The following ARHGAP24 variants were observed in gnomAD, a reference collection of about 807,000 sequenced individuals.
ARHGAP24 encodes Rho GTPase activating protein 24.
In ARHGAP24, 50 loss-of-function variants were observed where a neutral mutation model predicts 76.4. The observed-to-expected ratio is 0.65, with a 90% confidence interval of 0.52 to 0.83. The LOEUF (loss-of-function observed/expected upper bound fraction) is 0.83. ARHGAP24 is among the 40% of genes least tolerant of loss of function. ARHGAP24 has a pLI of 0.00. For synonymous variants in ARHGAP24, 345 were observed against 323.3 expected, an observed-to-expected ratio of 1.07 and a Z score of -0.72; for missense variants, 930 against 914.2, an observed-to-expected ratio of 1.02 and a Z score of -0.22.
In ARHGAP24 at chr4:85,923,763, C is replaced by A; in HGVS notation, c.384C>A (p.Phe128Leu). ...TCCGCCGAGTCATATGGGGACCTTT[C>A]GGAGGAGGTGAGTGTACTTTAAAAT... ...KSIRRVIWGP[F>L]GGGIFGQKLE... Residue 128 changes from phenylalanine to leucine, a missense_variant, in exon 4 of 10, where the codon TTC becomes TTA. Transcript: ENST00000395184. 1 of 1,613,918 alleles carries A rather than the reference C, an allele frequency of 6.2e-7. No individual in the cohort carries two copies. Among genetic ancestry groups the A allele is most frequent in the South Asian group, 1.1e-5 (1 of 91,082 alleles).
At chr4:85,764,634 GTTTTT>G (rs200336908) in intron 3 of ARHGAP24, among the ~76,000 whole-genome samples, 1 of 150,638 alleles carries the variant, frequency 6.6e-6, no homozygotes, top group East Asian at 1.9e-4. Flanking sequence ...CAGAGTAATT[GTTTTT>G]TTTTACCAGC....
chr4:85,524,759 A>C (rs1240569414), intron 1 of ARHGAP24, among the ~76,000 whole-genome samples: 1 of 152,212 alleles, frequency 6.6e-6, no homozygotes, highest in African/African-American at 2.4e-5. Flanking sequence ...CTCTGTGTAC[A>C]TCAGGTGCCT....
chr4:85,650,485 G>T (rs1197947959), intron 2 of ARHGAP24, among the ~76,000 whole-genome samples: 2 of 149,412 alleles, frequency 1.3e-5, no homozygotes, highest in African/African-American at 2.6e-5. Flanking sequence ...TCTGTAAAAT[G>T]AGGATAATGA....
At chr4:85,655,818 A>AAGAGAGAGAGAG (rs70948743) in intron 2 of ARHGAP24, among the ~76,000 whole-genome samples, 2 of 35,524 alleles carry the variant, frequency 5.6e-5, no homozygotes, top group African/African-American at 1.5e-4. Flanking sequence ...GAGAGAGAGA[A>AAGAGAGAGAGAG]AGAGAGAGAG....
At chr4:85,656,608 C>G (rs1258907021) in intron 2 of ARHGAP24, among the ~76,000 whole-genome samples, 1 of 152,058 alleles carries the variant, frequency 6.6e-6, no homozygotes, top group Non-Finnish European at 1.5e-5. Flanking sequence ...GCTGGGATTA[C>G]AAGCGTGTGG....
intron 1 of ARHGAP24, among the ~76,000 whole-genome samples, chr4:85,556,186 A>G (rs1395429781): frequency 2.0e-5 from 3 of 152,064 alleles, no homozygotes; most frequent in African/African-American, 4.8e-5. Flanking sequence ...GCTTCTCTCT[A>G]TATAATAACT....
At chr4:85,595,485 C>T (rs1444982616) in intron 2 of ARHGAP24, among the ~76,000 whole-genome samples, 2 of 152,020 alleles carry the variant, frequency 1.3e-5, no homozygotes, top group Admixed American at 6.6e-5. Flanking sequence ...TCTAATTTCT[C>T]GCTGAACTTC....
At chr4:85,985,971 C>A (rs2148863886) in intron 8 of ARHGAP24, among the ~76,000 whole-genome samples, 1 of 152,196 alleles carries the variant, frequency 6.6e-6, no homozygotes, top group Admixed American at 6.5e-5. Context: ...ATTTACTAAC[C>A]CATAATAGTT....
In ARHGAP24 at chr4:85,994,814, T is replaced by C. The variant is rs760378697; in HGVS notation, c.1160T>C (p.Met387Thr). The C allele has an allele frequency of 4.5e-5, 73 of 1,613,946 alleles. No individual in the cohort carries two copies. The Middle Eastern group carries it at 4.9e-4, about 11-fold the overall frequency. ...TCTGAGTCACCCCAGAGAAGCAGCATGAACAATGGATCCCCCACAGCTCTA... is the reference window on the plus strand; with the variant it reads ...TCTGAGTCACCCCAGAGAAGCAGCACGAACAATGGATCCCCCACAGCTCTA... Reference protein sequence around the residue: ...DKSESPQRSSMNNGSPTALSG... With the variant: ...DKSESPQRSSTNNGSPTALSG... The change falls in exon 9 of 10, where the codon ATG becomes ACG. Residue 387 changes from methionine (M) to threonine (T), a missense_variant. Physicochemically the swap from Met to Thr is moderately conservative, Grantham distance 81 (BLOSUM62 -1). Coordinates refer to ENST00000395184, the MANE Select transcript of ARHGAP24 (RefSeq NM_001025616.3).
chr4:85,785,308 G>A (rs1406639752), intron 3 of ARHGAP24, among the ~76,000 whole-genome samples: 1 of 152,162 alleles, frequency 6.6e-6, no homozygotes, highest in East Asian at 1.9e-4. Flanking sequence ...ATCTTAAAGA[G>A]ACTGCTTTAT....
chr4:85,641,224 G>A (rs1337993676), intron 2 of ARHGAP24, among the ~76,000 whole-genome samples: 2 of 152,112 alleles, frequency 1.3e-5, no homozygotes, highest in African/African-American at 2.4e-5. Context: ...AGCCTTGCGC[G>A]TAGTGGGACT....
intron 5 of ARHGAP24, among the ~76,000 whole-genome samples, chr4:85,950,198 G>A (rs887372299): frequency 2.0e-5 from 3 of 152,028 alleles, no homozygotes; most frequent in Non-Finnish European, 4.4e-5. Context: ...AGAACATAAA[G>A]AAGGCCACTG....
chr4:85,625,439 G>A (rs1163390555), intron 2 of ARHGAP24, among the ~76,000 whole-genome samples: 2 of 152,160 alleles, frequency 1.3e-5, no homozygotes, highest in Non-Finnish European at 2.9e-5. Context: ...CTGAGAGACA[G>A]TTTGTTATAA....
intron 2 of ARHGAP24, among the ~76,000 whole-genome samples, chr4:85,672,369 G>T (rs180720311): frequency 6.6e-6 from 1 of 152,144 alleles, no homozygotes; most frequent in East Asian, 1.9e-4. Context: ...TGAGCAAGTG[G>T]TTTCTCAACT....
chr4:85,504,464 C>T (rs189165745), intron 1 of ARHGAP24, among the ~76,000 whole-genome samples: 6 of 152,242 alleles, frequency 3.9e-5, no homozygotes, highest in African/African-American at 7.2e-5. Context: ...ATCCTTTTAC[C>T]GTTATGTAAT....
intron 3 of ARHGAP24, among the ~76,000 whole-genome samples, chr4:85,743,517 A>C (rs1025669432): frequency 4.0e-5 from 6 of 150,938 alleles, no homozygotes; most frequent in African/African-American, 1.5e-4. Context: ...GCAGTGAGCC[A>C]TGATTGCACC....
At chr4:85,924,494 T>C (rs1402814993) in intron 4 of ARHGAP24, among the ~76,000 whole-genome samples, 1 of 152,146 alleles carries the variant, frequency 6.6e-6, no homozygotes, top group Non-Finnish European at 1.5e-5. Context: ...AACCACAATA[T>C]ATTTCCAAGA....
chr4:85,479,894 A>G (rs1462671811), intron 1 of ARHGAP24, among the ~76,000 whole-genome samples: 1 of 152,178 alleles, frequency 6.6e-6, no homozygotes, highest in African/African-American at 2.4e-5. Flanking sequence ...AAGAATTCAT[A>G]CGTGTGGTTC....
At chr4:85,565,225 AG>A (rs1202700324) in intron 1 of ARHGAP24, among the ~76,000 whole-genome samples, 1 of 152,050 alleles carries the variant, frequency 6.6e-6, no homozygotes, top group Non-Finnish European at 1.5e-5. Flanking sequence ...AGTAGAATTT[AG>A]GTAAATATTG....
Sources: gnomAD v4.1 joint callset for allele counts (sites outside exome capture counted in the v4.1 genomes callset) on GRCh38, gnomAD v4.1.1 for gene constraint, MANE v1.5 for transcripts, NCBI Gene and HGNC (gene_info 2026-07-23, HGNC 2026-07-21) for gene names.